CSPP1: variants seen among roughly 807,000 people sequenced by gnomAD.
The protein encoded by CSPP1 is centrosome and spindle pole associated protein 1.
A neutral mutation model predicts 164.4 loss-of-function variants in CSPP1; 126 were observed. The ratio of observed to expected loss-of-function variants is 0.77; its 90% CI spans 0.66 to 0.89. The LOEUF (loss-of-function observed/expected upper bound fraction) is 0.89, where lower values mean the gene tolerates loss of function less well. CSPP1 is among the 40% of genes least tolerant of loss of function. The pLI is 0.00. For synonymous variants in CSPP1, 472 were observed against 476.7 expected, an observed-to-expected ratio of 0.99 and a Z score of 0.13; for missense variants, 1,395 against 1,449.8, an observed-to-expected ratio of 0.96 and a Z score of 0.61.
intron 17 of CSPP1, among the ~76,000 whole-genome samples, chr8:67,140,316 C>T (rs181708285): frequency 6.6e-6 from 1 of 152,248 alleles, no homozygotes; most frequent in African/African-American, 2.4e-5. Flanking sequence ...AACTCCTGAC[C>T]TCAGGTGTCC....
chr8:67,184,706 A>C (rs1308976702), intron 28 of CSPP1, among the ~76,000 whole-genome samples: 1 of 151,052 alleles, frequency 6.6e-6, no homozygotes, highest in Non-Finnish European at 1.5e-5. Flanking sequence ...CCTGCATGAC[A>C]GAGTGAGATT....
At chr8:67,083,548 A>AAAAAAAATAT (rs1332248754) in intron 3 of CSPP1, 1 of 91,502 alleles carries the variant, frequency 1.1e-5, no homozygotes, top group African/African-American at 4.5e-5. Flanking sequence ...AAAAAAAAAA[A>AAAAAAAATAT]ATATATATAT....
intron 1 of CSPP1, among the ~76,000 whole-genome samples, chr8:67,068,459 T>C (rs950355708): frequency 2.0e-5 from 3 of 152,246 alleles, no homozygotes; most frequent in Non-Finnish European, 4.4e-5. Flanking sequence ...CTTTATATTG[T>C]AGAGTGTCAT....
In CSPP1 at chr8:67,158,590, G is replaced by A. The variant is rs745994894; in HGVS notation, c.2385G>A (p.Glu795=). 2.7e-5 allele frequency: 43 copies of A among 1,587,842 alleles called. No homozygotes were observed. Among genetic ancestry groups the A allele is most frequent in the Non-Finnish European group, 3.3e-5 (39 of 1,167,482 alleles). Reference sequence around the variant, plus strand: ...AACAGGAAAAGAAAAGAGAGAAAGAGGAGGAGGTACATCTTTTTTCCCTAT... The same window carrying A: ...AACAGGAAAAGAAAAGAGAGAAAGAAGAGGAGGTACATCTTTTTTCCCTAT... The part of the protein sequence containing the change: ...EEEQEKKREK[E]EEQRLKNEEH... Residue 795 remains glutamate, a synonymous_variant, in exon 20 of 31, where the codon GAG becomes GAA. Coordinates refer to ENST00000678616, the MANE Select transcript of CSPP1 (RefSeq NM_001382391.1).
chr8:67,195,686 A>AAAGT lies in CSPP1; in HGVS notation c.*94_*97dup, dbSNP rs1837797902. The AAAGT allele has an allele frequency of 1.9e-6, 2 of 1,025,958 alleles. No individual in the cohort carries two copies. The highest frequency in any genetic ancestry group is 2.6e-5 in the East Asian group (1 of 38,444). 63.6% of individuals were successfully genotyped at this position (1,025,958 alleles called of 1,614,324 possible). On this transcript the variant is annotated 3_prime_UTR_variant, in exon 31 of 31. Coordinates refer to ENST00000678616, the MANE Select transcript of CSPP1 (RefSeq NM_001382391.1). ...ATGTCCTACTTTTGGCCCCTACCTGAAAGTTACTTTTTTTCCATCATCTGT... is the reference window on the plus strand; with the variant it reads ...ATGTCCTACTTTTGGCCCCTACCTGAAAGTAAGTTACTTTTTTTCCATCATCTGT...
chr8:67,171,689 A>G (rs1830494456), intron 24 of CSPP1, among the ~76,000 whole-genome samples: 1 of 151,946 alleles, frequency 6.6e-6, no homozygotes, highest in African/African-American at 2.4e-5. Context: ...GTGGTACTAC[A>G]GGCACACACC....
intron 1 of CSPP1, among the ~76,000 whole-genome samples, chr8:67,073,654 T>C (rs1807304241): frequency 6.6e-6 from 1 of 152,186 alleles, no homozygotes; most frequent in Non-Finnish European, 1.5e-5. Flanking sequence ...GTTGAGGTTA[T>C]ATAAGAAAAT....
chr8:67,164,360 TTG>T, intron 23 of CSPP1, 29 bp from the exon 24 acceptor site: 1 of 1,016,376 alleles, frequency 9.8e-7, no homozygotes, highest in Non-Finnish European at 1.6e-6. Context: ...TATTCCTGTC[TTG>T]TGTTTTACTT....
chr8:67,171,282 TC>T (rs1316270341), intron 24 of CSPP1, among the ~76,000 whole-genome samples: 1 of 150,836 alleles, frequency 6.6e-6, no homozygotes, highest in African/African-American at 2.4e-5. Flanking sequence ...ACGCCTGTAG[TC>T]CCAGCTACTC....
rs780606004 is a variant in CSPP1, at chr8:67,149,925, T to G, written c.2118T>G (p.Asn706Lys). 6.6e-7 allele frequency: 1 copy of G among 1,504,780 alleles called. No individual in the cohort carries two copies. The highest frequency in any genetic ancestry group is 1.3e-5 in the South Asian group (1 of 78,920). 93.2% of individuals were successfully genotyped at this position (1,504,780 alleles called of 1,614,324 possible). ...CTGAGAACCTAGAAGATGCTGCAAA[T>G]AAAAGCTCAGGTTTTTAATCACTTT... ...SNAENLEDAANKSSGHMQTQS... is the reference protein window; with the variant it reads ...SNAENLEDAAKKSSGHMQTQS... Residue 706 changes from asparagine (N) to lysine (K), a missense_variant, in exon 18 of 31, where the codon AAT becomes AAG. Asn to Lys is a moderately conservative substitution (Grantham distance 94). Coordinates refer to ENST00000678616, the MANE Select transcript of CSPP1 (RefSeq NM_001382391.1).
intron 28 of CSPP1, among the ~76,000 whole-genome samples, chr8:67,181,898 A>T (rs1833146994): frequency 6.6e-6 from 1 of 152,160 alleles, no homozygotes; most frequent in Non-Finnish European, 1.5e-5. Context: ...CTACTCTAGG[A>T]CCTCATGTAA....
At chr8:67,186,605 C>G (rs926354806) in intron 28 of CSPP1, among the ~76,000 whole-genome samples, 6 of 152,146 alleles carry the variant, frequency 3.9e-5, no homozygotes, top group African/African-American at 1.4e-4. Flanking sequence ...AAACTAGAAG[C>G]TTTCCTGCTA....
intron 8 of CSPP1, among the ~76,000 whole-genome samples, chr8:67,103,664 GAA>G (rs1243274753): frequency 6.6e-6 from 1 of 150,416 alleles, no homozygotes; most frequent in Non-Finnish European, 1.5e-5. Flanking sequence ...AAAAGAAAAA[GAA>G]AAGAAAAAAT....
intron 19 of CSPP1, among the ~76,000 whole-genome samples, chr8:67,154,555 A>G (rs1324091058): frequency 1.3e-5 from 2 of 151,350 alleles, no homozygotes; most frequent in East Asian, 2.0e-4. Flanking sequence ...TTTAGTGGAG[A>G]CAGGGTTTCA....
intron 18 of CSPP1, among the ~76,000 whole-genome samples, chr8:67,153,070 C>T (rs928129013): frequency 6.6e-6 from 1 of 152,116 alleles, no homozygotes; most frequent in Non-Finnish European, 1.5e-5. Flanking sequence ...GGCATGGTGG[C>T]ACACGCCTGT....
At chr8:67,166,716 TCA>T (rs1197104630) in intron 24 of CSPP1, among the ~76,000 whole-genome samples, 3 of 152,068 alleles carry the variant, frequency 2.0e-5, no homozygotes, top group South Asian at 4.1e-4. Context: ...CATATTTAAT[TCA>T]GTTTAACGGT....
At chr8:67,079,630 A>T (rs1446260929) in intron 3 of CSPP1, among the ~76,000 whole-genome samples, 2 of 152,176 alleles carry the variant, frequency 1.3e-5, no homozygotes, top group African/African-American at 4.8e-5. Flanking sequence ...AACAAATCTG[A>T]TCATATTAGT....
chr8:67,127,503 A>G (rs1477415600), intron 15 of CSPP1, among the ~76,000 whole-genome samples: 4 of 152,124 alleles, frequency 2.6e-5, no homozygotes, highest in African/African-American at 7.2e-5. Context: ...ATTACCTCTC[A>G]TAGTCCCCAG....
chr8:67,104,770 T>A (rs1383370762), intron 8 of CSPP1, among the ~76,000 whole-genome samples: 2 of 151,414 alleles, frequency 1.3e-5, no homozygotes. Context: ...CCCGAGTAGC[T>A]GGGATTAGAG....
Sources: allele counts gnomAD v4.1 joint callset (sites outside exome capture counted in the v4.1 genomes callset), GRCh38; gene constraint gnomAD v4.1.1; transcripts MANE v1.5; gene names NCBI Gene and HGNC (gene_info 2026-07-23, HGNC 2026-07-21).